NEK1: variants seen among roughly 807,000 people sequenced by gnomAD.
NEK1 encodes NIMA related kinase 1, also known as serine/threonine-protein kinase Nek1.
Under a neutral mutation model 182.1 loss-of-function variants are expected in NEK1, and 137 were observed. That is an observed-to-expected ratio of 0.75 (90% CI 0.65 to 0.87). NEK1 has a LOEUF of 0.87. Ranked by LOEUF, NEK1 falls within the 40% of genes least tolerant of loss-of-function variation. The pLI, the probability that NEK1 is intolerant of heterozygous loss-of-function variation, is 0.00. For synonymous variants in NEK1, 513 were observed against 492.2 expected (o/e 1.04, Z -0.56); for missense variants, 1,391 against 1,494.4 (o/e 0.93, Z 1.14).
chr4:169,515,499 T>A (rs1356383205), intron 19 of NEK1, among the ~76,000 whole-genome samples: 2 of 130,516 alleles, frequency 1.5e-5, no homozygotes, highest in Non-Finnish European at 3.2e-5. Context: ...TGCAATAACT[T>A]CTTTTTTTTT....
At chr4:169,544,525 T>C (rs1760027757) in intron 18 of NEK1, among the ~76,000 whole-genome samples, 1 of 151,504 alleles carries the variant, frequency 6.6e-6, no homozygotes, top group Non-Finnish European at 1.5e-5. Flanking sequence ...TTGTTTGCAA[T>C]AGTTTCAGAA....
intron 26 of NEK1, among the ~76,000 whole-genome samples, chr4:169,473,331 T>C (rs1312121377): frequency 1.3e-5 from 2 of 150,560 alleles, no homozygotes; most frequent in Non-Finnish European, 2.9e-5. Context: ...AGGCAAATAA[T>C]AGACACTGGG....
At chr4:169,467,052 G>A (rs763131750) in intron 26 of NEK1, among the ~76,000 whole-genome samples, 6 of 151,984 alleles carry the variant, frequency 3.9e-5, no homozygotes, top group Non-Finnish European at 5.9e-5. Flanking sequence ...TGCGGATGAA[G>A]GCTTTTATGA....
intron 12 of NEK1, among the ~76,000 whole-genome samples, chr4:169,569,691 G>A (rs1357653685): frequency 1.1e-4 from 17 of 151,864 alleles, no homozygotes; most frequent in Admixed American, 2.0e-4. Flanking sequence ...ACGGGGTTTC[G>A]CTGTGTTGGC....
intron 29 of NEK1, among the ~76,000 whole-genome samples, chr4:169,431,589 A>G (rs947351412): frequency 4.6e-5 from 7 of 152,134 alleles, no homozygotes; most frequent in African/African-American, 1.7e-4. Flanking sequence ...CCACAGATTT[A>G]CATGTAAAAA....
chr4:169,569,023 G>A (rs1764191567), intron 12 of NEK1, among the ~76,000 whole-genome samples: 1 of 151,644 alleles, frequency 6.6e-6, no homozygotes, highest in Non-Finnish European at 1.5e-5. Context: ...TAAATACTGG[G>A]GATATGTTTT....
At chr4:169,589,217 A>T (rs563741863) in intron 7 of NEK1, among the ~76,000 whole-genome samples, 4 of 152,360 alleles carry the variant, frequency 2.6e-5, no homozygotes, top group Admixed American at 2.6e-4. Flanking sequence ...TACACCATAC[A>T]GCCTGCCTGT....
At chr4:169,419,077 C>T (rs1426485548) in intron 31 of NEK1, among the ~76,000 whole-genome samples, 3 of 152,132 alleles carry the variant, frequency 2.0e-5, no homozygotes, top group African/African-American at 7.2e-5. Context: ...CACTGCTAGT[C>T]CTATAAAACC....
Position 169,424,574 on chromosome 4 carries a change from C to T in NEK1, c.3201G>A (p.Leu1067=), listed in dbSNP as rs1736041233. The change falls in exon 31 of 36, where the codon CTG becomes CTA. Residue 1067 remains leucine (L), a synonymous_variant. Transcript: ENST00000507142. The part of the protein sequence containing the change: ...NSLLIGLSTG[L]FDANNPKMLR... ...TTGCCTTTGGGTTGTTTGCATCAAA[C>T]AGACCAGTTGAAAGTCCAATCAGCA... The T allele has an allele frequency of 2.5e-6, 4 of 1,605,222 alleles. No homozygotes were observed. The highest frequency in any genetic ancestry group is 2.7e-5 in the African/African-American group (2 of 74,810).
chr4:169,423,345 C>T (rs754809946), intron 31 of NEK1, among the ~76,000 whole-genome samples: 3 of 152,108 alleles, frequency 2.0e-5, no homozygotes, highest in East Asian at 1.9e-4. Flanking sequence ...TCAAATGATC[C>T]GCCCACCCCA....
At chr4:169,404,978 C>T (rs963812635) in intron 32 of NEK1, among the ~76,000 whole-genome samples, 3 of 152,048 alleles carry the variant, frequency 2.0e-5, no homozygotes, top group African/African-American at 7.2e-5. Flanking sequence ...GACACATGTG[C>T]ACACACACAC....
At chr4:169,569,174 T>C (rs13327988) in intron 12 of NEK1, among the ~76,000 whole-genome samples, 1 of 152,122 alleles carries the variant, frequency 6.6e-6, no homozygotes, top group Non-Finnish European at 1.5e-5. Flanking sequence ...TTTAATAAAG[T>C]CTCTATTTCA....
At chr4:169,576,721 T>C in intron 12 of NEK1, 1 of 397,440 alleles carries the variant, frequency 2.5e-6, no homozygotes, top group Non-Finnish European at 4.5e-6. Context: ...TTACACTAAT[T>C]ATATTACTTA....
intron 35 of NEK1, among the ~76,000 whole-genome samples, chr4:169,396,394 A>AAAAG (rs1561111795): frequency 7.0e-6 from 1 of 142,376 alleles, no homozygotes; most frequent in African/African-American, 2.7e-5. Context: ...AAAAAAAAAA[A>AAAAG]AAGAAGAATC....
intron 27 of NEK1, among the ~76,000 whole-genome samples, chr4:169,449,318 G>A (rs1048009017): frequency 1.3e-5 from 2 of 152,212 alleles, no homozygotes; most frequent in African/African-American, 4.8e-5. Context: ...CTCCCAGCAT[G>A]GTGCTTGAGC....
chr4:169,580,288 G>A (rs1448449499), intron 11 of NEK1, among the ~76,000 whole-genome samples: 1 of 151,946 alleles, frequency 6.6e-6, no homozygotes, highest in African/African-American at 2.4e-5. Flanking sequence ...CCTGAGGTTG[G>A]GAGTTTGAGA....
At chr4:169,395,675 G>A (rs1730564262) in intron 35 of NEK1, among the ~76,000 whole-genome samples, 1 of 152,132 alleles carries the variant, frequency 6.6e-6, no homozygotes, top group South Asian at 2.1e-4. Context: ...TCCATAATAT[G>A]TAGAATTAAC....
intron 16 of NEK1, among the ~76,000 whole-genome samples, chr4:169,557,324 G>A (rs545191312): frequency 8.6e-5 from 13 of 151,332 alleles, no homozygotes; most frequent in Non-Finnish European, 1.5e-4. Flanking sequence ...TCAACCACAT[G>A]GAAAACTCAT....
At chr4:169,552,931 A>T (rs1419463188) in intron 18 of NEK1, among the ~76,000 whole-genome samples, 1 of 152,170 alleles carries the variant, frequency 6.6e-6, no homozygotes, top group East Asian at 1.9e-4. Context: ...AAATACATCA[A>T]AGATATATTT....
Sources: gnomAD v4.1 joint callset for allele counts (sites outside exome capture counted in the v4.1 genomes callset) on GRCh38, gnomAD v4.1.1 for gene constraint, MANE v1.5 for transcripts, NCBI Gene and HGNC (gene_info 2026-07-23, HGNC 2026-07-21) for gene names.